Variants in MAX observed in about 807,000 individuals in gnomAD.
MAX encodes MYC associated transcriptional regulator X.
Under a neutral mutation model 22.3 loss-of-function variants are expected in MAX, and 3 were observed. The observed-to-expected ratio is 0.13, with a 90% confidence interval of 0.06 to 0.35. The LOEUF is 0.35. Ranked by LOEUF, MAX falls within the 10% of genes least tolerant of loss-of-function variation. The pLI, the probability that MAX is intolerant of heterozygous loss-of-function variation, is 1.00. For synonymous variants in MAX, 72 were observed against 77.7 expected, an observed-to-expected ratio of 0.93 and a Z score of 0.39; for missense variants, 119 against 209.4, an observed-to-expected ratio of 0.57 and a Z score of 2.66.
chr14:65,040,716 CA>C, intron 3 of MAX: 1 of 1,462,692 alleles, frequency 6.8e-7, no homozygotes, highest in Non-Finnish European at 9.1e-7. Context: ...TTTTCTCTGC[CA>C]CCTAGGATGG....
intron 3 of MAX, among the ~76,000 whole-genome samples, chr14:65,065,260 T>C (rs542614630): frequency 1.8e-4 from 27 of 152,326 alleles, no homozygotes; most frequent in African/African-American, 6.0e-4. Flanking sequence ...GCTCTGAGAC[T>C]GAGAAACATG....
At chr14:65,085,635 C>T (rs1482742376) in intron 3 of MAX, among the ~76,000 whole-genome samples, 1 of 152,012 alleles carries the variant, frequency 6.6e-6, no homozygotes, top group East Asian at 1.9e-4. Flanking sequence ...AGAGGTCCCA[C>T]AAAAGGCCAC....
At chr14:65,094,923 T>C (rs2063617252) in intron 2 of MAX, among the ~76,000 whole-genome samples, 1 of 152,178 alleles carries the variant, frequency 6.6e-6, no homozygotes, top group Admixed American at 6.5e-5. Flanking sequence ...AGTCTGTACA[T>C]GGGAAGTTCA....
At chr14:65,035,734 G>C (rs1247335609) in intron 3 of MAX, among the ~76,000 whole-genome samples, 1 of 151,908 alleles carries the variant, frequency 6.6e-6, no homozygotes, top group Non-Finnish European at 1.5e-5. Context: ...GGATCTGTCT[G>C]TGTTGTCCAG....
At chr14:65,059,576 T>G (rs1426197957) in intron 3 of MAX, among the ~76,000 whole-genome samples, 3 of 152,090 alleles carry the variant, frequency 2.0e-5, no homozygotes, top group Non-Finnish European at 4.4e-5. Flanking sequence ...TTTGTATGTT[T>G]CAGCATGAGG....
intron 3 of MAX, among the ~76,000 whole-genome samples, chr14:65,066,790 A>C (rs897285665): frequency 6.8e-6 from 1 of 146,978 alleles, no homozygotes; most frequent in Non-Finnish European, 1.5e-5. Context: ...TGAACCCAGG[A>C]GGCAGAGGTT....
chr14:65,097,459 G>C (rs1199426962), intron 2 of MAX, among the ~76,000 whole-genome samples: 1 of 152,176 alleles, frequency 6.6e-6, no homozygotes, highest in African/African-American at 2.4e-5. Context: ...GGATGCACAA[G>C]GTTCTCCAGA....
chr14:65,076,086 C>A lies in MAX; in HGVS notation c.*390G>T, dbSNP rs576515287. The A allele has an allele frequency of 2.4e-6, 3 of 1,244,362 alleles. No individual in the cohort carries two copies. The highest frequency in any genetic ancestry group is 3.0e-5 in the African/African-American group (2 of 66,086). 77.1% of individuals were successfully genotyped at this position (1,244,362 alleles called of 1,614,324 possible). On this transcript the variant is annotated 3_prime_UTR_variant, in exon 5 of 5. Coordinates refer to ENST00000358664, the MANE Select transcript of MAX (RefSeq NM_002382.5). This position sits in a 1 kb window ranked among gnomAD's most constrained non-coding sequence, Gnocchi z 6.6. ...GAGGTGAGGGCGGGCCAGGAGGCCA[C>A]CTGGGCAGGGCAGGCGTCCCCCGGG...
intron 3 of MAX, among the ~76,000 whole-genome samples, chr14:65,048,850 C>CAA (rs997503956): frequency 1.7e-4 from 26 of 151,690 alleles, no homozygotes; most frequent in African/African-American, 5.8e-4. Context: ...GACTTTGTCT[C>CAA]AAAAAAACAC....
chr14:65,017,706 A>G (rs546685722), intron 3 of MAX, among the ~76,000 whole-genome samples: 283 of 152,146 alleles, frequency 1.9e-3, no homozygotes, highest in Non-Finnish European at 3.2e-3. Context: ...TGTAATCCCA[A>G]GCACTTTGGG....
chr14:65,049,504 T>G (rs2139662264), intron 3 of MAX, among the ~76,000 whole-genome samples: 1 of 152,326 alleles, frequency 6.6e-6, no homozygotes, highest in Middle Eastern at 3.4e-3. Context: ...TTCATCTTGT[T>G]GTGATTATGT....
chr14:65,061,157 TG>T, intron 3 of MAX: 1 of 1,613,310 alleles, frequency 6.2e-7, no homozygotes, highest in Non-Finnish European at 8.5e-7. Flanking sequence ...GGTGATTAAC[TG>T]GCACCTTTTC....
intron 2 of MAX, among the ~76,000 whole-genome samples, chr14:65,100,233 C>T (rs146444968): frequency 1.4e-5 from 2 of 139,360 alleles, no homozygotes; most frequent in Admixed American, 6.9e-5. Context: ...TGGCAGATCA[C>T]GAGGTTAAGA....
At chr14:65,083,709 T>C (rs1473314997) in intron 3 of MAX, 29 of 1,047,240 alleles carry the variant, frequency 2.8e-5, no homozygotes, top group East Asian at 5.8e-5. Context: ...CAAAATGCCA[T>C]ATCTGGAGGG....
In MAX at chr14:65,058,448, C is replaced by T. The variant is rs74820108; in HGVS notation, c.171+35260G>A. Among the ~76,000 whole-genome samples the T allele has an allele frequency of 4.1e-3, 617 of 152,166 alleles. 10 individuals carry two copies. Among genetic ancestry groups the T allele is most frequent in the East Asian group, 0.041 (210 of 5,180 alleles). ...TTTTAAGTTTGTCTAAGTTAGTTTCCATTTTATTTTTCTTGCCTTGTATTG... is the reference window on the plus strand; with the variant it reads ...TTTTAAGTTTGTCTAAGTTAGTTTCTATTTTATTTTTCTTGCCTTGTATTG... On this transcript the variant is annotated intron_variant, in intron 3 of 3. Coordinates refer to the MAX transcript ENST00000341653.
intron 3 of MAX, among the ~76,000 whole-genome samples, chr14:65,052,807 C>A (rs186599161): frequency 3.9e-5 from 6 of 152,290 alleles, no homozygotes; most frequent in Non-Finnish European, 8.8e-5. Flanking sequence ...ATTAAGAGTT[C>A]TCTGAGCTAA....
Position 65,044,839 on chromosome 14 carries a change from A to ACTGAGG in MAX, c.172-38556_172-38555insCCTCAG. 2 of 170,034 alleles carry ACTGAGG rather than the reference A, an allele frequency of 1.2e-5. No homozygotes were observed. The highest frequency in any genetic ancestry group is 1.2e-5 in the Non-Finnish European group (1 of 80,250). The allele number at this position is 170,034 out of a possible 1,614,324, so 10.5% of individuals were successfully genotyped here. On this transcript the variant is annotated intron_variant, in intron 3 of 3. Coordinates refer to the MAX transcript ENST00000341653. The surrounding 1 kb of genome is among the most constrained non-coding windows in gnomAD (Gnocchi z 5.5). Reference sequence around the variant, plus strand: ...GTGTTGCAACAGTCACTGTTGCAACAGCAACAGGAAAGGCAACTGCGTAAA... The same window carrying ACTGAGG: ...GTGTTGCAACAGTCACTGTTGCAACACTGAGGGCAACAGGAAAGGCAACTGCGTAAA...
In MAX at chr14:65,068,116, CT is replaced by C. The variant is rs534875222; in HGVS notation, c.171+25591del. ...TTTTTGTCCCTTTCTTGAATGTGTCCTTTAGAAGGTAGCTACTATATGCAGT... is the reference window on the plus strand; with the variant it reads ...TTTTTGTCCCTTTCTTGAATGTGTCCTTAGAAGGTAGCTACTATATGCAGT... On this transcript the variant is annotated intron_variant, in intron 3 of 3. Coordinates refer to the MAX transcript ENST00000341653. Among the ~76,000 whole-genome samples the C allele has an allele frequency of 1.1e-4, 16 of 152,224 alleles. No individual in the cohort carries two copies. The South Asian group carries it at 3.1e-3, about 30-fold the overall frequency.
In MAX at chr14:65,031,979, C is replaced by CGTGTGT. The variant is rs563468928; in HGVS notation, c.172-25701_172-25696dup. Among the ~76,000 whole-genome samples the CGTGTGT allele has an allele frequency of 0.029, 4,064 of 141,232 alleles. 111 individuals are homozygous for CGTGTGT. The highest frequency in any genetic ancestry group is 0.065 in the African/African-American group (2,452 of 37,858). 92.7% of individuals were successfully genotyped at this position (141,232 alleles called of 152,430 possible). A position where few individuals can be genotyped will look rare whatever the true frequency, so the allele number is the denominator to read the frequency against. ...ATAGACGTGCGCCTTTTTCATTTAA[C>CGTGTGT]GTGTGTGTGTGTGTGTGTGTGTGTG... On this transcript the variant is annotated intron_variant, in intron 3 of 3. Transcript: ENST00000341653. This position sits in a 1 kb window ranked among gnomAD's most constrained non-coding sequence, Gnocchi z 4.6.
Sources: allele counts gnomAD v4.1 joint callset (sites outside exome capture counted in the v4.1 genomes callset), GRCh38; gene constraint gnomAD v4.1.1; non-coding constraint Gnocchi (gnomAD v3.1); transcripts MANE v1.5; gene names NCBI Gene and HGNC (gene_info 2026-07-23, HGNC 2026-07-21).